The following ARB2A variants were observed in gnomAD, a reference collection of about 807,000 sequenced individuals.
ARB2A encodes the protein ARB2 cotranscriptional regulator A.
chr5:93,759,928 T>A, the ARB2A span, among the ~76,000 whole-genome samples: 377 of 152,180 alleles, frequency 2.5e-3, 1 homozygote, highest in African/African-American at 8.7e-3. Context: ...ATAAAGGACA[T>A]CCAAATCGGT....
chr5:93,754,699 C>T, the ARB2A span, among the ~76,000 whole-genome samples: 6 of 152,190 alleles, frequency 3.9e-5, no homozygotes, highest in Non-Finnish European at 7.3e-5. Context: ...CATACACAGT[C>T]AAAAATTAAA....
At chr5:93,816,755 A>G in the ARB2A span, among the ~76,000 whole-genome samples, 1 of 152,306 alleles carries the variant, frequency 6.6e-6, no homozygotes, top group African/African-American at 2.4e-5. Flanking sequence ...GTGTGCATGA[A>G]GGATATAAAA....
At chr5:93,774,382 A>G in the ARB2A span, among the ~76,000 whole-genome samples, 1 of 152,386 alleles carries the variant, frequency 6.6e-6, no homozygotes, top group Non-Finnish European at 1.5e-5. Flanking sequence ...TCAAAAGCCA[A>G]GATGGGCTGA....
chr5:93,931,650 C>T, the ARB2A span, among the ~76,000 whole-genome samples: 1 of 151,834 alleles, frequency 6.6e-6, no homozygotes, highest in Non-Finnish European at 1.5e-5. Flanking sequence ...TACACACATA[C>T]AGAAAAGTAC....
At chr5:93,620,693 T>G in the ARB2A span, 2 of 270,478 alleles carry the variant, frequency 7.4e-6, no homozygotes, top group Non-Finnish European at 6.9e-6. Flanking sequence ...TTCAGGGCAA[T>G]TAGAGCTTCG....
the ARB2A span, among the ~76,000 whole-genome samples, chr5:93,979,338 T>C: frequency 6.6e-6 from 1 of 152,144 alleles, no homozygotes; most frequent in Non-Finnish European, 1.5e-5. Flanking sequence ...AAGTATATTA[T>C]GGTTCAATGG....
chr5:93,697,336 G>A, the ARB2A span, among the ~76,000 whole-genome samples: 3 of 151,560 alleles, frequency 2.0e-5, no homozygotes, highest in African/African-American at 7.3e-5. Flanking sequence ...TGGCTCTCTT[G>A]ACCCATCCCT....
At chr5:93,921,362 T>C in the ARB2A span, among the ~76,000 whole-genome samples, 2 of 152,138 alleles carry the variant, frequency 1.3e-5, no homozygotes, top group Admixed American at 1.3e-4. Flanking sequence ...CATGGAAACT[T>C]AAAGGAAGGT....
At chr5:93,875,827 G>T in the ARB2A span, among the ~76,000 whole-genome samples, 3 of 151,218 alleles carry the variant, frequency 2.0e-5, no homozygotes, top group African/African-American at 7.3e-5. Context: ...ACTAAAGATA[G>T]AGTTAATTGG....
chr5:94,091,659 C>CA, the ARB2A span, among the ~76,000 whole-genome samples: 1 of 152,122 alleles, frequency 6.6e-6, no homozygotes, highest in Non-Finnish European at 1.5e-5. Flanking sequence ...AGAATGGAGC[C>CA]ACAGTGTGAC....
chr5:93,876,796 A>C, the ARB2A span, among the ~76,000 whole-genome samples: 1 of 152,134 alleles, frequency 6.6e-6, no homozygotes, highest in Non-Finnish European at 1.5e-5. Flanking sequence ...GCATTTGCAC[A>C]GAAGAGATTC....
chr5:94,101,447 T>C, the ARB2A span, among the ~76,000 whole-genome samples: 19 of 152,172 alleles, frequency 1.2e-4, no homozygotes, highest in African/African-American at 4.6e-4. Flanking sequence ...TCACCGGGTA[T>C]ACACTCAGAG....
the ARB2A span, among the ~76,000 whole-genome samples, chr5:93,937,016 C>T: frequency 1.3e-5 from 2 of 149,530 alleles, no homozygotes; most frequent in African/African-American, 4.9e-5. Context: ...TCTTGGCTCA[C>T]TGCAAGCTCC....
At chr5:93,878,084 T>C in the ARB2A span, among the ~76,000 whole-genome samples, 3 of 152,152 alleles carry the variant, frequency 2.0e-5, no homozygotes, top group Non-Finnish European at 4.4e-5. Context: ...CCATTAATTT[T>C]TGGATTGTAA....
chr5:93,888,578 G>A, the ARB2A span, among the ~76,000 whole-genome samples: 1 of 151,716 alleles, frequency 6.6e-6, no homozygotes, highest in Non-Finnish European at 1.5e-5. Flanking sequence ...CTATTATAAA[G>A]TTGTGTAAAT....
At chr5:93,709,992 G>A in the ARB2A span, among the ~76,000 whole-genome samples, 3 of 152,200 alleles carry the variant, frequency 2.0e-5, no homozygotes, top group Admixed American at 2.0e-4. Flanking sequence ...TACAGGAAGG[G>A]CTTAAGAAAT....
At chr5:93,975,288 G>T in the ARB2A span, among the ~76,000 whole-genome samples, 1 of 141,150 alleles carries the variant, frequency 7.1e-6, no homozygotes. Context: ...CTGCACTCCA[G>T]CCTGGGACAC....
chr5:93,772,378 GCA>G, the ARB2A span, among the ~76,000 whole-genome samples: 1 of 151,868 alleles, frequency 6.6e-6, no homozygotes, highest in Non-Finnish European at 1.5e-5. Context: ...AATGGGTGCA[GCA>G]CACCAGCATG....
the ARB2A span, among the ~76,000 whole-genome samples, chr5:93,879,055 T>C: frequency 4.6e-5 from 7 of 152,206 alleles, no homozygotes; most frequent in South Asian, 1.2e-3. Context: ...GTAAGAAGTA[T>C]ATAAATAAAA....
Sources: gnomAD v4.1 joint callset for allele counts (sites outside exome capture counted in the v4.1 genomes callset) on GRCh38, gnomAD v4.1.1 for gene constraint, MANE v1.5 for transcripts, NCBI Gene and HGNC (gene_info 2026-07-23, HGNC 2026-07-21) for gene names.